Variants in FBRSL1 observed in about 807,000 individuals in gnomAD.
FBRSL1 encodes the protein fibrosin like 1.
A neutral mutation model predicts 89.6 loss-of-function variants in FBRSL1; 51 were observed. The observed-to-expected ratio is 0.57, with a 90% CI of 0.45 to 0.72. The LOEUF (loss-of-function observed/expected upper bound fraction) is 0.72. Among genes scored for constraint, FBRSL1 ranks in the 30% least tolerant of loss-of-function variants. The pLI, the probability that FBRSL1 is intolerant of heterozygous loss-of-function variation, is 0.00. For missense variants in FBRSL1, 1,618 were observed against 1,451.8 expected (o/e 1.11, Z -1.86); for synonymous variants, 779 against 681.1 (o/e 1.14, Z -2.24).
intron 5 of FBRSL1, among the ~76,000 whole-genome samples, chr12:132,567,020 G>A (rs547781487): frequency 1.5e-4 from 23 of 152,372 alleles, no homozygotes; most frequent in African/African-American, 5.5e-4. Flanking sequence ...TCGCCAGGGC[G>A]CCTGTGCTGG....
chr12:132,551,071 G>A (rs1443764423), intron 5 of FBRSL1: 1 of 315,844 alleles, frequency 3.2e-6, no homozygotes, highest in Non-Finnish European at 6.3e-6. Context: ...GGGCACTGCT[G>A]TGCGAGGCCG....
intron 1 of FBRSL1, among the ~76,000 whole-genome samples, chr12:132,506,765 C>T (rs924676538): frequency 6.6e-6 from 1 of 152,256 alleles, no homozygotes; most frequent in Non-Finnish European, 1.5e-5. Context: ...GCCATGGGCT[C>T]TCGGGCTTGT....
At chr12:132,536,454 G>A (rs566356225) in intron 4 of FBRSL1, among the ~76,000 whole-genome samples, 2 of 151,838 alleles carry the variant, frequency 1.3e-5, no homozygotes, top group Non-Finnish European at 2.9e-5. Flanking sequence ...GTGAGTGCAT[G>A]TGTATATGAC....
chr12:132,548,146 T>C, intron 5 of FBRSL1, 114 bp downstream of exon 5: 1 of 1,313,514 alleles, frequency 7.6e-7, no homozygotes, highest in Non-Finnish European at 1.1e-6. Flanking sequence ...CTTGGGGGGA[T>C]CCCCCCGCCC....
chr12:132,493,040 C>A (rs1472227412), intron 1 of FBRSL1, among the ~76,000 whole-genome samples: 1 of 152,240 alleles, frequency 6.6e-6, no homozygotes, highest in African/African-American at 2.4e-5. Flanking sequence ...CCTCAAATGA[C>A]CCACGAGGAG....
chr12:132,579,057 C>T (rs1019302426), intron 15 of FBRSL1, among the ~76,000 whole-genome samples: 2 of 152,218 alleles, frequency 1.3e-5, no homozygotes, highest in Non-Finnish European at 2.9e-5. Context: ...CCCGCCTCCC[C>T]TTCCCTCCTC....
chr12:132,570,597 G>T, intron 8 of FBRSL1, 57 bp downstream of exon 8: 2 of 1,379,080 alleles, frequency 1.5e-6, no homozygotes, highest in Non-Finnish European at 1.9e-6. Flanking sequence ...GCGGGGACAC[G>T]GCCACCGGGG....
intron 2 of FBRSL1, among the ~76,000 whole-genome samples, chr12:132,525,397 G>A (rs1397052634): frequency 6.6e-6 from 1 of 152,234 alleles, no homozygotes; most frequent in African/African-American, 2.4e-5. Flanking sequence ...GCTTGTGGAA[G>A]GGGCGGCTCC....
chr12:132,507,543 G>A (rs1374101002), intron 1 of FBRSL1, among the ~76,000 whole-genome samples: 2 of 152,156 alleles, frequency 1.3e-5, no homozygotes, highest in East Asian at 1.9e-4. Context: ...AGGGGACCAG[G>A]GGAGGCCAGC....
At chr12:132,514,937 G>A (rs1411315910) in intron 2 of FBRSL1, among the ~76,000 whole-genome samples, 1 of 151,242 alleles carries the variant, frequency 6.6e-6, no homozygotes, top group Non-Finnish European at 1.5e-5. Context: ...TCTTTTTTTT[G>A]TAGAGTCTGG....
intron 15 of FBRSL1, among the ~76,000 whole-genome samples, chr12:132,578,613 G>T (rs1252771067): frequency 2.0e-5 from 3 of 152,170 alleles, no homozygotes; most frequent in African/African-American, 7.2e-5. Flanking sequence ...CACAGGCACA[G>T]GCACACACAT....
chr12:132,547,380 A>G (rs951195731), intron 4 of FBRSL1, among the ~76,000 whole-genome samples: 5 of 151,882 alleles, frequency 3.3e-5, no homozygotes, highest in African/African-American at 1.2e-4. Flanking sequence ...GGATTATCAC[A>G]CCCCCACCCT....
rs2040973852 is a variant in FBRSL1 at position 132,583,926 on chromosome 12, C to T, written c.*148C>T. The T allele has an allele frequency of 3.1e-6, 1 of 323,456 alleles. No individual in the cohort carries two copies. Among genetic ancestry groups the T allele is most frequent in the South Asian group, 1.5e-4 (1 of 6,804 alleles). The allele number at this position is 323,456 out of a possible 1,614,324, so 20.0% of individuals were successfully genotyped here. A position where few individuals can be genotyped will look rare whatever the true frequency, so the allele number is the denominator to read the frequency against. On this transcript the variant is annotated 3_prime_UTR_variant, in exon 19 of 19. Transcript: ENST00000680143. ...GCGGAGGCGGGGACTTGGGTGTCGG[C>T]TTTTCTGAGGGTGATCTTTTGTTTT...
In FBRSL1 at chr12:132,490,741, C is replaced by T. The variant is rs2030710315; in HGVS notation, c.171C>T (p.Ala57=). 14 of 1,012,234 alleles carry T rather than the reference C, an allele frequency of 1.4e-5. No homozygotes were observed. The highest frequency in any genetic ancestry group is 1.6e-5 in the Non-Finnish European group (14 of 850,710). 62.7% of individuals were successfully genotyped at this position (1,012,234 alleles called of 1,614,324 possible). The part of the protein sequence containing the change: ...AGLRGAPPRG[A]APAPRTARPP... ...TCCGCGGCGCGCCCCCCCGAGGCGC[C>T]GCCCCCGCGCCCCGCACCGCGCGTC... The change falls in exon 1 of 19, where the codon GCC becomes GCT. Residue 57 remains alanine, a synonymous_variant. Transcript: ENST00000680143.
intron 1 of FBRSL1, among the ~76,000 whole-genome samples, chr12:132,502,025 T>G (rs1057183027): frequency 6.6e-6 from 1 of 152,240 alleles, no homozygotes; most frequent in South Asian, 2.1e-4. Flanking sequence ...GAAGTCTGTT[T>G]GTACAGAGAG....
chr12:132,581,624 T>G, intron 16 of FBRSL1, 108 bp downstream of exon 16: 3 of 1,484,262 alleles, frequency 2.0e-6, no homozygotes, highest in Non-Finnish European at 2.8e-6. Flanking sequence ...GGGAGCCCCT[T>G]GGGTCATGCA....
At position 132,490,863 on chromosome 12, in the gene FBRSL1, T is replaced by TGGG. The variant is rs1371752577; in HGVS notation, c.291+2_291+3insGGG. The TGGG allele has an allele frequency of 1.8e-5, 23 of 1,263,696 alleles. No individual in the cohort carries two copies. Among genetic ancestry groups the TGGG allele is most frequent in the African/African-American group, 4.7e-5 (3 of 63,656 alleles). The allele number at this position is 1,263,696 out of a possible 1,614,324, so 78.3% of individuals were successfully genotyped here. A position where few individuals can be genotyped will look rare whatever the true frequency, so the allele number is the denominator to read the frequency against. On this transcript the variant is annotated splice_region_variant and intron_variant, in intron 1 of 18. Transcript: ENST00000680143. ...TTCAGCACCCTGGAGGCCCTGGAGG[T>TGGG]AGGTGGACGGGTGCGGCTTCGCAGG...
intron 1 of FBRSL1, among the ~76,000 whole-genome samples, chr12:132,494,832 T>G (rs1264809175): frequency 6.6e-6 from 1 of 152,200 alleles, no homozygotes; most frequent in Non-Finnish European, 1.5e-5. Flanking sequence ...CCCAGCCTCC[T>G]GGCTCGGTGG....
chr12:132,584,143 T>A lies in FBRSL1; in HGVS notation c.*365T>A, dbSNP rs140350661. 164 of 152,860 alleles carry A rather than the reference T, an allele frequency of 1.1e-3. 1 individual carries two copies. Among genetic ancestry groups the A allele is most frequent in the African/African-American group, 3.7e-3 (152 of 41,600 alleles). 9.5% of individuals were successfully genotyped at this position (152,860 alleles called of 1,614,324 possible). ...TTGCAGTTTAATGGCCTCAGATCCT[T>A]CTCCAGATCCCCAGGGTTTCTTTGT... On this transcript the variant is annotated 3_prime_UTR_variant, in exon 19 of 19. Transcript: ENST00000680143.
Sources: gnomAD v4.1 joint callset for allele counts (sites outside exome capture counted in the v4.1 genomes callset) on GRCh38, gnomAD v4.1.1 for gene constraint, MANE v1.5 for transcripts, NCBI Gene and HGNC (gene_info 2026-07-23, HGNC 2026-07-21) for gene names.